The following SCMH1 variants were observed in gnomAD, a reference collection of about 807,000 sequenced individuals.
SCMH1 encodes the protein polycomb protein SCMH1.
In SCMH1, 37 loss-of-function variants were observed where a neutral mutation model predicts 70.8. The observed-to-expected ratio is 0.52, with a 90% CI of 0.40 to 0.69. The LOEUF is 0.69. Among genes scored for constraint, SCMH1 ranks in the 30% least tolerant of loss-of-function variants. The pLI is 0.00. For synonymous variants in SCMH1, 292 were observed against 307.4 expected, an observed-to-expected ratio of 0.95 and a Z score of 0.52; for missense variants, 607 against 827.3, an observed-to-expected ratio of 0.73 and a Z score of 3.27.
intron 6 of SCMH1, among the ~76,000 whole-genome samples, chr1:41,136,382 C>CTTT (rs757034374): frequency 8.2e-6 from 1 of 122,014 alleles, no homozygotes; most frequent in Admixed American, 8.0e-5. Flanking sequence ...TTCTTTCTTT[C>CTTT]TTTTTTTTTT....
Position 41,117,072 on chromosome 1 carries a change from G to T in SCMH1, c.413-62C>A, listed in dbSNP as rs532571137. 15 of 1,477,634 alleles carry T rather than the reference G, an allele frequency of 1.0e-5. No homozygotes were observed. The South Asian group carries it at 1.9e-4, about 19-fold the overall frequency. 91.5% of individuals were successfully genotyped at this position (1,477,634 alleles called of 1,614,324 possible). ...GTTTCAAAAATGAATGGTGATGTGG[G>T]TGGCAAGCCACCCAGGTGCCGAGGC... is the stretch of plus-strand genomic sequence containing the variant. On this transcript the variant is annotated intron_variant, in intron 6 of 14. Coordinates refer to ENST00000337495, the Ensembl canonical transcript of SCMH1.
chr1:41,033,865 T>C lies in SCMH1; in HGVS notation c.1678+3497A>G, dbSNP rs1365713504. On this transcript the variant is annotated intron_variant, in intron 13 of 14. Coordinates refer to ENST00000337495, the Ensembl canonical transcript of SCMH1. Reference sequence around the variant, plus strand: ...GTGGGTTTCCAAGGAAAATTGGAGATGCTTAGGGAACAACAGTACCATCTG... The same window carrying C: ...GTGGGTTTCCAAGGAAAATTGGAGACGCTTAGGGAACAACAGTACCATCTG... 33 of 1,450,004 alleles carry C rather than the reference T, an allele frequency of 2.3e-5. No individual in the cohort carries two copies. The Admixed American group carries it at 6.7e-4, about 29-fold the overall frequency. The allele number at this position is 1,450,004 out of a possible 1,614,324, so 89.8% of individuals were successfully genotyped here.
intron 10 of SCMH1, among the ~76,000 whole-genome samples, chr1:41,057,391 C>G (rs986645137): frequency 6.6e-6 from 1 of 152,028 alleles, no homozygotes; most frequent in African/African-American, 2.4e-5. Flanking sequence ...TCAGCCTCCA[C>G]CACCATGCCT....
exon 2 of SCMH1, chr1:41,186,123 T>C (rs751805732): frequency 2.3e-5 from 35 of 1,543,360 alleles, no homozygotes; most frequent in Non-Finnish European, 4.4e-6. Context: ...ATACTTACCA[T>C]TAGGCTGCAT....
intron 1 of SCMH1, among the ~76,000 whole-genome samples, chr1:41,190,110 T>C (rs1042080300): frequency 2.0e-5 from 3 of 152,222 alleles, no homozygotes; most frequent in African/African-American, 7.2e-5. Flanking sequence ...TTCTTGCCAG[T>C]CCAAACATAT....
At chr1:41,062,741 A>G (rs1442434414) in intron 10 of SCMH1, among the ~76,000 whole-genome samples, 7 of 118,502 alleles carry the variant, frequency 5.9e-5, no homozygotes, top group Non-Finnish European at 1.3e-4. Context: ...TCCATCTCAG[A>G]AAAAAAAAAA....
At chr1:41,129,208 T>A (rs1465322144) in intron 6 of SCMH1, among the ~76,000 whole-genome samples, 1 of 152,166 alleles carries the variant, frequency 6.6e-6, no homozygotes, top group Non-Finnish European at 1.5e-5. Context: ...GTAAAATATA[T>A]ATCAAATTTA....
chr1:41,048,517 T>C (rs1647114244), intron 11 of SCMH1, among the ~76,000 whole-genome samples, 173 bp downstream of exon 11: 1 of 152,228 alleles, frequency 6.6e-6, no homozygotes, highest in South Asian at 2.1e-4. Context: ...GGCAGAGGTA[T>C]GCATAAGGCT....
At chr1:41,169,052 C>T (rs1646613401) in intron 2 of SCMH1, among the ~76,000 whole-genome samples, 1 of 152,150 alleles carries the variant, frequency 6.6e-6, no homozygotes, top group African/African-American at 2.4e-5. Context: ...TACTCAAATT[C>T]AGGTTGCACC....
intron 7 of SCMH1, among the ~76,000 whole-genome samples, chr1:41,114,840 C>T (rs1670066049): frequency 1.3e-5 from 2 of 151,924 alleles, no homozygotes; most frequent in African/African-American, 4.8e-5. Flanking sequence ...CCACACTCTG[C>T]TAATTTTTGT....
chr1:41,134,403 T>C (rs1258318268), intron 6 of SCMH1, among the ~76,000 whole-genome samples: 1 of 152,182 alleles, frequency 6.6e-6, no homozygotes, highest in Non-Finnish European at 1.5e-5. Flanking sequence ...TCACCACTCC[T>C]ATTCAACGTA....
exon 15 of SCMH1, chr1:41,028,276 A>T (rs1210047811): frequency 1.9e-6 from 3 of 1,613,866 alleles, no homozygotes; most frequent in Non-Finnish European, 2.5e-6. Context: ...GTACTTCATC[A>T]TCATGTCACT....
intron 8 of SCMH1, among the ~76,000 whole-genome samples, chr1:41,086,018 T>C (rs1001651765): frequency 1.3e-5 from 2 of 151,846 alleles, no homozygotes; most frequent in African/African-American, 4.8e-5. Context: ...TTTCTGTATT[T>C]TTAGTAGAGA....
chr1:41,053,948 C>T (rs1464719044), intron 10 of SCMH1, among the ~76,000 whole-genome samples: 14 of 152,010 alleles, frequency 9.2e-5, no homozygotes, highest in Admixed American at 9.2e-4. Context: ...GGGTTCACGC[C>T]ATTCTCCTGC....
intron 1 of SCMH1, among the ~76,000 whole-genome samples, chr1:41,227,984 TCAAAAACAAAA>T (rs900266392): frequency 2.6e-5 from 4 of 152,080 alleles, no homozygotes; most frequent in Non-Finnish European, 4.4e-5. Context: ...AGACTCTGTC[TCAAAAACAAAA>T]CAAAAACAAA....
chr1:41,047,572 A>AT (rs571754341), intron 11 of SCMH1, among the ~76,000 whole-genome samples: 11,802 of 150,068 alleles, frequency 0.079, 580 homozygotes, highest in South Asian at 0.13. Context: ...AATGTTTTGT[A>AT]TTTTTTTTTA....
At chr1:41,209,143 A>G (rs1477061298) in intron 1 of SCMH1, among the ~76,000 whole-genome samples, 1 of 152,210 alleles carries the variant, frequency 6.6e-6, no homozygotes, top group East Asian at 1.9e-4. Context: ...CTGGACACAT[A>G]CACCCTCCCA....
Position 41,207,013 on chromosome 1 carries a change from C to T in SCMH1, c.-117-20763G>A, listed in dbSNP as rs1488220862. 3.3e-5 allele frequency among the ~76,000 whole-genome samples: 5 copies of T among 152,300 alleles called. No individual in the cohort carries two copies. In the East Asian group the frequency reaches 9.6e-4, roughly 29 times the overall value. On this transcript the variant is annotated intron_variant, in intron 1 of 14. Coordinates refer to ENST00000337495, the Ensembl canonical transcript of SCMH1. ...GCTCAGAGATTTTGTCACCACCAGG[C>T]CTGCCTTACAAGAGTTCCTGAAGAA... is the stretch of plus-strand genomic sequence containing the variant.
At chr1:41,129,530 T>A (rs1215381058) in intron 6 of SCMH1, among the ~76,000 whole-genome samples, 1 of 152,214 alleles carries the variant, frequency 6.6e-6, no homozygotes, top group African/African-American at 2.4e-5. Context: ...TGTTATAATT[T>A]CCTTCCTCTT....
Sources: allele counts gnomAD v4.1 joint callset (sites outside exome capture counted in the v4.1 genomes callset), GRCh38; gene constraint gnomAD v4.1.1; transcripts MANE v1.5; gene names NCBI Gene and HGNC (gene_info 2026-07-23, HGNC 2026-07-21).